Variants in FHIT observed in about 807,000 individuals in gnomAD.
FHIT encodes the protein fragile histidine triad diadenosine triphosphatase.
In FHIT, 19 loss-of-function variants were observed where a neutral mutation model predicts 17.9. That is an observed-to-expected ratio of 1.06 (90% confidence interval 0.74 to 1.56). The LOEUF (loss-of-function observed/expected upper bound fraction) is 1.56. Among genes scored for constraint, FHIT ranks in the 40% most tolerant of loss-of-function variants. The pLI is 0.00. For missense variants in FHIT, 248 were observed against 189.2 expected, an observed-to-expected ratio of 1.31 and a Z score of -1.82; for synonymous variants, 81 against 69.7, an observed-to-expected ratio of 1.16 and a Z score of -0.81.
intron 3 of FHIT, among the ~76,000 whole-genome samples, chr3:60,840,034 C>G (rs1261808066): frequency 3.3e-5 from 5 of 152,000 alleles, no homozygotes; most frequent in Admixed American, 2.6e-4. Context: ...GGTCCTTCAG[C>G]TCCGTGAGGA....
intron 5 of FHIT, among the ~76,000 whole-genome samples, chr3:60,130,787 G>GTATA (rs35825158): frequency 3.3e-5 from 4 of 121,184 alleles, no homozygotes; most frequent in Non-Finnish European, 5.2e-5. Flanking sequence ...TGTGTGTGGT[G>GTATA]TGTATATACA....
intron 5 of FHIT, among the ~76,000 whole-genome samples, chr3:60,446,857 A>AAATAAT (rs144268974): frequency 0.035 from 4,818 of 138,966 alleles, 102 homozygotes; most frequent in Non-Finnish European, 0.039. Context: ...TATCTCATTA[A>AAATAAT]AATAATAATA....
chr3:60,075,224 T>C (rs1702951542), intron 5 of FHIT, among the ~76,000 whole-genome samples: 1 of 152,018 alleles, frequency 6.6e-6, no homozygotes, highest in Non-Finnish European at 1.5e-5. Flanking sequence ...GGAGAACCAA[T>C]GGAATAATCA....
chr3:59,812,393 G>C (rs1700438604), intron 8 of FHIT, among the ~76,000 whole-genome samples: 1 of 152,210 alleles, frequency 6.6e-6, no homozygotes. Context: ...ATCTGAGTCA[G>C]ACTGGAAGAA....
At chr3:61,058,814 T>C (rs2034320737) in intron 2 of FHIT, among the ~76,000 whole-genome samples, 1 of 152,166 alleles carries the variant, frequency 6.6e-6, no homozygotes, top group Admixed American at 6.5e-5. Context: ...CCTTACATGG[T>C]AGGTACCATT....
At position 61,207,113 on chromosome 3, in the gene FHIT, G is replaced by T. The variant is rs187338556; in HGVS notation, c.-212-6448C>A. ...TGTCTTTGGTTCTGTTTATATGCTG[G>T]ATTACGTTAATTGATTTGCATATGT... On this transcript the variant is annotated intron_variant, in intron 1 of 9. Coordinates refer to ENST00000492590, the MANE Select transcript of FHIT (RefSeq NM_002012.4). 1.8e-3 allele frequency among the ~76,000 whole-genome samples: 273 copies of T among 152,270 alleles called. 2 individuals are homozygous for T. Among genetic ancestry groups the T allele is most frequent in the Middle Eastern group, 0.014 (4 of 294 alleles).
chr3:60,107,621 T>A (rs1704481797), intron 5 of FHIT, among the ~76,000 whole-genome samples: 1 of 152,154 alleles, frequency 6.6e-6, no homozygotes. Flanking sequence ...TATATATACA[T>A]AAGTTTGTTG....
intron 4 of FHIT, among the ~76,000 whole-genome samples, chr3:60,653,768 C>T (rs542659543): frequency 6.6e-6 from 1 of 152,214 alleles, no homozygotes; most frequent in Non-Finnish European, 1.5e-5. Context: ...GGATTTTCAA[C>T]AGAGAAGTCT....
chr3:61,227,016 T>G (rs1362832175), intron 1 of FHIT, among the ~76,000 whole-genome samples: 1 of 152,164 alleles, frequency 6.6e-6, no homozygotes, highest in Non-Finnish European at 1.5e-5. Context: ...TAAAAGAGCT[T>G]ACAATATAAG....
chr3:60,305,063 T>C (rs1010525115), intron 5 of FHIT, among the ~76,000 whole-genome samples: 1 of 152,190 alleles, frequency 6.6e-6, no homozygotes, highest in Non-Finnish European at 1.5e-5. Context: ...CTCGTGTCTG[T>C]AAGCCATTCA....
rs554402378 is a variant in FHIT at position 60,703,144 on chromosome 3, G to A, written c.-18+118775C>T. On this transcript the variant is annotated intron_variant, in intron 4 of 9. Transcript: ENST00000492590. ...CAAAACCAGAGATATAGTCAGACAC[G>A]CAGAGAGAATACCATGTGATAAAGG... 2.9e-4 allele frequency among the ~76,000 whole-genome samples: 44 copies of A among 152,248 alleles called. No homozygotes were observed. The East Asian group carries it at 6.6e-3, about 23-fold the overall frequency.
chr3:60,316,040 G>A (rs1709150509), intron 5 of FHIT, among the ~76,000 whole-genome samples: 1 of 152,072 alleles, frequency 6.6e-6, no homozygotes, highest in Admixed American at 6.6e-5. Flanking sequence ...TCTCAATGAT[G>A]TCTACTGTCA....
At chr3:60,623,032 C>T (rs1363419642) in intron 4 of FHIT, among the ~76,000 whole-genome samples, 2 of 152,186 alleles carry the variant, frequency 1.3e-5, no homozygotes, top group Non-Finnish European at 2.9e-5. Flanking sequence ...TCAGCCTTTT[C>T]TCCCACGAAG....
chr3:60,157,692 A>T (rs1369714634), intron 5 of FHIT, among the ~76,000 whole-genome samples: 1 of 152,180 alleles, frequency 6.6e-6, no homozygotes, highest in Non-Finnish European at 1.5e-5. Context: ...TGCACAGTGA[A>T]TAAGTCCATC....
At chr3:59,787,010 G>T (rs1487488468) in intron 8 of FHIT, among the ~76,000 whole-genome samples, 1 of 152,216 alleles carries the variant, frequency 6.6e-6, no homozygotes, top group Non-Finnish European at 1.5e-5. Flanking sequence ...TCTCAGTGGT[G>T]AATTCAATGG....
At chr3:61,085,879 T>C (rs1313359989) in intron 2 of FHIT, among the ~76,000 whole-genome samples, 2 of 152,196 alleles carry the variant, frequency 1.3e-5, no homozygotes, top group East Asian at 3.8e-4. Flanking sequence ...GTTCATAGTT[T>C]ATAACCCTTT....
At chr3:60,155,534 C>T (rs553423865) in intron 5 of FHIT, among the ~76,000 whole-genome samples, 13 of 152,300 alleles carry the variant, frequency 8.5e-5, no homozygotes, top group Non-Finnish European at 7.3e-5. Context: ...GCCCATCTCT[C>T]ATATCCATGT....
At chr3:60,489,017 A>G (rs2033956304) in intron 5 of FHIT, among the ~76,000 whole-genome samples, 1 of 152,198 alleles carries the variant, frequency 6.6e-6, no homozygotes, top group Admixed American at 6.6e-5. Context: ...TCAAGGATTG[A>G]ACCAGATGAT....
intron 5 of FHIT, among the ~76,000 whole-genome samples, chr3:60,237,685 C>A (rs941432248): frequency 6.6e-6 from 1 of 152,148 alleles, no homozygotes; most frequent in African/African-American, 2.4e-5. Flanking sequence ...TACTTGCATT[C>A]GGTTTGCAGT....
Sources: allele counts gnomAD v4.1 joint callset (sites outside exome capture counted in the v4.1 genomes callset), GRCh38; gene constraint gnomAD v4.1.1; transcripts MANE v1.5; gene names NCBI Gene and HGNC (gene_info 2026-07-23, HGNC 2026-07-21).